METTL8: variants seen among roughly 807,000 people sequenced by gnomAD.
METTL8 encodes the protein tRNA N(3)-cytidine methyltransferase METTL8, mitochondrial.
A neutral mutation model predicts 48.7 loss-of-function variants in METTL8; 32 were observed. That is an observed-to-expected ratio of 0.66 (90% CI 0.50 to 0.88). METTL8 has a LOEUF of 0.88. METTL8 is among the 40% of genes least tolerant of loss of function. METTL8 has a pLI of 0.00. For synonymous variants in METTL8, 136 were observed against 157.1 expected, an observed-to-expected ratio of 0.87 and a Z score of 1.01; for missense variants, 464 against 474.4, an observed-to-expected ratio of 0.98 and a Z score of 0.20.
At chr2:171,350,533 G>A (rs184478927) in intron 3 of METTL8, among the ~76,000 whole-genome samples, 1 of 152,084 alleles carries the variant, frequency 6.6e-6, no homozygotes, top group Non-Finnish European at 1.5e-5. Flanking sequence ...TTGAGGAATC[G>A]CCACACTATC....
intron 2 of METTL8, among the ~76,000 whole-genome samples, chr2:171,387,609 T>C (rs966335086): frequency 3.9e-5 from 6 of 151,918 alleles, no homozygotes; most frequent in Non-Finnish European, 7.4e-5. Context: ...TTTAATTGCA[T>C]ATATCCAAAT....
intron 2 of METTL8, among the ~76,000 whole-genome samples, chr2:171,367,747 A>G (rs1487047861): frequency 6.6e-6 from 1 of 152,236 alleles, no homozygotes; most frequent in Non-Finnish European, 1.5e-5. Context: ...ACAATATCAC[A>G]AATGTTGGAG....
chr2:171,352,905 T>C (rs1684097557), intron 3 of METTL8, among the ~76,000 whole-genome samples: 2 of 152,174 alleles, frequency 1.3e-5, no homozygotes, highest in African/African-American at 2.4e-5. Context: ...TTTGTTGATC[T>C]TTTCAAAAAA....
intron 3 of METTL8, among the ~76,000 whole-genome samples, chr2:171,356,090 C>T (rs569841790): frequency 3.3e-5 from 5 of 152,298 alleles, no homozygotes; most frequent in Admixed American, 2.6e-4. Context: ...GGAGCTGTTC[C>T]TATTTGGCCA....
At chr2:171,359,154 G>C (rs1468636765) in intron 3 of METTL8, among the ~76,000 whole-genome samples, 2 of 145,992 alleles carry the variant, frequency 1.4e-5, no homozygotes, top group Non-Finnish European at 3.0e-5. Flanking sequence ...ACTCCAGACT[G>C]GGCAACAAGA....
chr2:171,400,082 T>C (rs1689496965), intron 1 of METTL8, among the ~76,000 whole-genome samples: 1 of 152,246 alleles, frequency 6.6e-6, no homozygotes, highest in East Asian at 1.9e-4. Context: ...TGTGATGACC[T>C]ATCCTAAGCA....
chr2:171,391,254 A>T (rs1004507928), intron 2 of METTL8, among the ~76,000 whole-genome samples: 3 of 152,238 alleles, frequency 2.0e-5, no homozygotes, highest in Non-Finnish European at 4.4e-5. Context: ...CTTAGACATA[A>T]TGCTATTGTA....
chr2:171,353,765 G>C (rs570852857), intron 3 of METTL8, among the ~76,000 whole-genome samples: 69 of 152,240 alleles, frequency 4.5e-4, no homozygotes, highest in African/African-American at 1.5e-3. Context: ...TGTTTTATCA[G>C]AGACTAGGAT....
chr2:171,369,707 T>A (rs764128933), intron 2 of METTL8, among the ~76,000 whole-genome samples: 1 of 152,058 alleles, frequency 6.6e-6, no homozygotes, highest in Non-Finnish European at 1.5e-5. Context: ...TTGAAATAAT[T>A]CCTAAAACAG....
chr2:171,372,966 C>A (rs1292822073), intron 2 of METTL8, among the ~76,000 whole-genome samples: 1 of 152,106 alleles, frequency 6.6e-6, no homozygotes, highest in African/African-American at 2.4e-5. Context: ...GTCTTTATAG[C>A]AGCATGATTT....
intron 2 of METTL8, among the ~76,000 whole-genome samples, chr2:171,373,238 T>C (rs1686559826): frequency 6.6e-6 from 1 of 152,242 alleles, no homozygotes; most frequent in Admixed American, 6.5e-5. Flanking sequence ...TGGCCAGTGA[T>C]GATGAGCATT....
chr2:171,434,328 A>G (rs531533696), upstream of METTL8: 3 of 677,686 alleles, frequency 4.4e-6, no homozygotes, highest in African/African-American at 3.6e-5. Context: ...GTCAGCGGCC[A>G]GAGAGCCTGG....
At chr2:171,351,789 C>T (rs1172124514) in intron 3 of METTL8, among the ~76,000 whole-genome samples, 2 of 152,106 alleles carry the variant, frequency 1.3e-5, no homozygotes, top group East Asian at 3.9e-4. Flanking sequence ...TATAGGAATG[C>T]TTGTGATTTT....
chr2:171,360,015 T>C (rs886734794), intron 3 of METTL8, among the ~76,000 whole-genome samples: 1 of 152,234 alleles, frequency 6.6e-6, no homozygotes, highest in Non-Finnish European at 1.5e-5. Context: ...ACTGAAACTA[T>C]ATTTATCCTA....
At chr2:171,353,663 A>G (rs1174469185) in intron 3 of METTL8, among the ~76,000 whole-genome samples, 1 of 152,210 alleles carries the variant, frequency 6.6e-6, no homozygotes, top group Non-Finnish European at 1.5e-5. Flanking sequence ...GGGTGCATAT[A>G]TATTCAGGAT....
intron 1 of METTL8, among the ~76,000 whole-genome samples, chr2:171,403,182 G>C (rs950601519): frequency 2.6e-5 from 4 of 152,112 alleles, no homozygotes; most frequent in African/African-American, 9.7e-5. Context: ...AGTGTGGAAA[G>C]GGGGAAAAAT....
intron 9 of METTL8, among the ~76,000 whole-genome samples, chr2:171,325,371 T>C (rs1186475017): frequency 6.6e-6 from 1 of 152,148 alleles, no homozygotes; most frequent in African/African-American, 2.4e-5. Context: ...AATTGTTTTG[T>C]AGAGACAGAG....
At chr2:171,343,259 G>A (rs1189029093) in intron 3 of METTL8, among the ~76,000 whole-genome samples, 4 of 152,140 alleles carry the variant, frequency 2.6e-5, no homozygotes, top group Admixed American at 6.5e-5. Context: ...GACCAACATG[G>A]AGAAACCCCA....
intron 7 of METTL8, chr2:171,327,125 A>G (rs1248046914): frequency 6.6e-6 from 1 of 152,162 alleles, no homozygotes; most frequent in African/African-American, 2.4e-5. Context: ...CTGTCTGCCT[A>G]TTTAAATTTT....
Sources: allele counts gnomAD v4.1 joint callset (sites outside exome capture counted in the v4.1 genomes callset), GRCh38; gene constraint gnomAD v4.1.1; transcripts MANE v1.5; gene names NCBI Gene and HGNC (gene_info 2026-07-23, HGNC 2026-07-21).